Variants in SPATS2 observed in about 807,000 individuals in gnomAD.
SPATS2 encodes the protein spermatogenesis associated serine rich 2, also known as spermatogenesis-associated serine-rich protein 2.
SPATS2 carries 38 observed loss-of-function variants against 63.7 expected under a neutral mutation model. The observed-to-expected ratio is 0.60, with a 90% confidence interval of 0.46 to 0.78. The LOEUF (loss-of-function observed/expected upper bound fraction) is 0.78, where lower values mean the gene tolerates loss of function less well. SPATS2 is among the 30% of genes least tolerant of loss of function. The pLI, the probability that SPATS2 is intolerant of heterozygous loss-of-function variation, is 0.00. For missense variants in SPATS2, 588 were observed against 666.2 expected (o/e 0.88, Z 1.29); for synonymous variants, 207 against 232.9 (o/e 0.89, Z 1.01).
intron 11 of SPATS2, among the ~76,000 whole-genome samples, chr12:49,520,938 C>T (rs1048243553): frequency 3.3e-5 from 5 of 151,826 alleles, no homozygotes; most frequent in African/African-American, 4.8e-5. Context: ...AGGCTGGTCT[C>T]GAACCCCTGA....
intron 1 of SPATS2, among the ~76,000 whole-genome samples, chr12:49,370,121 C>T (rs139871765): frequency 6.6e-6 from 1 of 152,300 alleles, no homozygotes; most frequent in African/African-American, 2.4e-5. Context: ...GCGCTGAACT[C>T]AGTGTACATT....
At chr12:49,385,280 C>CAA (rs556429325) in intron 2 of SPATS2, among the ~76,000 whole-genome samples, 11 of 109,264 alleles carry the variant, frequency 1.0e-4, no homozygotes, top group African/African-American at 3.7e-4. Flanking sequence ...AATGGTATTT[C>CAA]AAAAAAAAAA....
In SPATS2 at chr12:49,484,517, G is replaced by A. The variant is rs372969506; in HGVS notation, c.26-73G>A. On this transcript the variant is annotated intron_variant, in intron 3 of 13. Coordinates refer to ENST00000552918, the MANE Select transcript of SPATS2 (RefSeq NM_023071.4). ...TTGTTTTATGGGACGAAAGCAGCCAGTCTTGGCCCTTCTGTCTTAGGGATG... is the reference window on the plus strand; with the variant it reads ...TTGTTTTATGGGACGAAAGCAGCCAATCTTGGCCCTTCTGTCTTAGGGATG... The A allele has an allele frequency of 4.3e-5, 63 of 1,463,038 alleles. No individual in the cohort carries two copies. The South Asian group carries it at 6.3e-4, about 15-fold the overall frequency. 90.6% of individuals were successfully genotyped at this position (1,463,038 alleles called of 1,614,324 possible). A position where few individuals can be genotyped will look rare whatever the true frequency, so the allele number is the denominator to read the frequency against.
chr12:49,481,678 A>T (rs1027608471), intron 3 of SPATS2, among the ~76,000 whole-genome samples: 2 of 151,462 alleles, frequency 1.3e-5, no homozygotes, highest in African/African-American at 4.9e-5. Flanking sequence ...ATGTTTGCTG[A>T]TCTCGAACTC....
chr12:49,459,113 G>A (rs773851060), intron 2 of SPATS2, among the ~76,000 whole-genome samples: 4 of 152,102 alleles, frequency 2.6e-5, no homozygotes, highest in South Asian at 2.1e-4. Flanking sequence ...AGAAAGTTTC[G>A]TAATTGGGAA....
chr12:49,496,051 G>A (rs1025048654), intron 7 of SPATS2, among the ~76,000 whole-genome samples: 6 of 152,046 alleles, frequency 3.9e-5, no homozygotes, highest in Non-Finnish European at 7.4e-5. Flanking sequence ...GCTGCTCCTG[G>A]CTTTAGAAGT....
intron 2 of SPATS2, among the ~76,000 whole-genome samples, chr12:49,373,944 CAT>C (rs1944046840): frequency 6.6e-6 from 1 of 151,732 alleles, no homozygotes; most frequent in Admixed American, 6.6e-5. Context: ...ATTAGCTGGT[CAT>C]AGTGGTTGGC....
intron 6 of SPATS2, among the ~76,000 whole-genome samples, chr12:49,494,304 A>T (rs1350181566): frequency 6.6e-6 from 1 of 152,230 alleles, no homozygotes; most frequent in Admixed American, 6.5e-5. Flanking sequence ...TGATAATTGC[A>T]GTGCAGTTTT....
chr12:49,513,207 A>G (rs960870080), intron 9 of SPATS2, among the ~76,000 whole-genome samples: 4 of 144,190 alleles, frequency 2.8e-5, no homozygotes, highest in South Asian at 4.3e-4. Context: ...GCGAGAGAGA[A>G]AGAGTGTGTG....
chr12:49,446,169 G>A (rs1945508013), intron 2 of SPATS2, among the ~76,000 whole-genome samples: 1 of 152,216 alleles, frequency 6.6e-6, no homozygotes, highest in Admixed American at 6.5e-5. Context: ...CTCCCAAAGT[G>A]CTGGGATTGC....
chr12:49,476,316 T>G lies in SPATS2; in HGVS notation c.26-8274T>G, dbSNP rs376079697. ...CTGGGGCAGTAGGAGGAGAGCCTGG[T>G]CCGCCTAGTGGCCCGACTCCAGGGA... On this transcript the variant is annotated intron_variant, in intron 3 of 13. Transcript: ENST00000552918. Among the ~76,000 whole-genome samples, 73 of 152,246 alleles carry G rather than the reference T, an allele frequency of 4.8e-4. No homozygotes were observed. In the South Asian group the frequency reaches 0.012, roughly 26 times the overall value.
chr12:49,430,344 C>T (rs1002490932), intron 2 of SPATS2, among the ~76,000 whole-genome samples: 10 of 150,868 alleles, frequency 6.6e-5, no homozygotes, highest in Non-Finnish European at 1.2e-4. Flanking sequence ...TGAAATGATC[C>T]GCCGACCTCG....
At chr12:49,468,514 T>C (rs1224396435) in intron 3 of SPATS2, among the ~76,000 whole-genome samples, 1 of 151,246 alleles carries the variant, frequency 6.6e-6, no homozygotes, top group African/African-American at 2.4e-5. Context: ...TCTCCCTCCG[T>C]CACCAAGGCT....
At chr12:49,440,188 A>G (rs906669185) in intron 2 of SPATS2, among the ~76,000 whole-genome samples, 7 of 152,194 alleles carry the variant, frequency 4.6e-5, no homozygotes, top group African/African-American at 1.7e-4. Context: ...ATGTTCCTCT[A>G]TCCCTAAATA....
intron 2 of SPATS2, among the ~76,000 whole-genome samples, chr12:49,394,769 T>G (rs1413083836): frequency 6.6e-6 from 1 of 152,180 alleles, no homozygotes; most frequent in South Asian, 2.1e-4. Context: ...TCATGTCATC[T>G]ATGAATAAAG....
chr12:49,389,452 CT>C, intron 2 of SPATS2: 1 of 683,180 alleles, frequency 1.5e-6, no homozygotes, highest in Non-Finnish European at 2.7e-6. Context: ...TTGGTAGAGG[CT>C]TTGAGTCCTC....
At chr12:49,380,503 T>G (rs1592342107) in intron 2 of SPATS2, among the ~76,000 whole-genome samples, 1 of 152,068 alleles carries the variant, frequency 6.6e-6, no homozygotes, top group Non-Finnish European at 1.5e-5. Context: ...GTCAGGAGTT[T>G]GAGATCAGCC....
At chr12:49,422,082 C>G (rs896700040) in intron 2 of SPATS2, among the ~76,000 whole-genome samples, 13 of 152,166 alleles carry the variant, frequency 8.5e-5, no homozygotes, top group Non-Finnish European at 1.6e-4. Context: ...GCTCTAATTT[C>G]ATGCTGTGTG....
Position 49,514,418 on chromosome 12 carries a change from A to G in SPATS2, c.840-137A>G, listed in dbSNP as rs952080539. The G allele has an allele frequency of 7.3e-6, 5 of 683,104 alleles. No homozygotes were observed. In the South Asian group the frequency reaches 1.0e-4, roughly 14 times the overall value. 42.3% of individuals were successfully genotyped at this position (683,104 alleles called of 1,614,324 possible). ...TTGAGAGTAAGACATCAGAATTTGTATGTGATCCATACAATATTATTTTTT... is the reference window on the plus strand; with the variant it reads ...TTGAGAGTAAGACATCAGAATTTGTGTGTGATCCATACAATATTATTTTTT... On this transcript the variant is annotated intron_variant, in intron 9 of 13. Transcript: ENST00000552918.
Sources: gnomAD v4.1 joint callset for allele counts (sites outside exome capture counted in the v4.1 genomes callset) on GRCh38, gnomAD v4.1.1 for gene constraint, MANE v1.5 for transcripts, NCBI Gene and HGNC (gene_info 2026-07-23, HGNC 2026-07-21) for gene names.